BABAM2: variants seen among roughly 807,000 people sequenced by gnomAD.
BABAM2 encodes the protein BRISC and BRCA1-A complex member 2.
Under a neutral mutation model 54.7 loss-of-function variants are expected in BABAM2, and 31 were observed. That is an observed-to-expected ratio of 0.57 (90% CI 0.43 to 0.77). BABAM2 has a LOEUF of 0.77. Among genes scored for constraint, BABAM2 ranks in the 30% least tolerant of loss-of-function variants. BABAM2 has a pLI of 0.00. For missense variants in BABAM2, 364 were observed against 455.8 expected (o/e 0.80, Z 1.83); for synonymous variants, 167 against 162.9 (o/e 1.03, Z -0.19).
chr2:28,087,419 C>T (rs908140371), intron 6 of BABAM2, among the ~76,000 whole-genome samples: 1 of 152,076 alleles, frequency 6.6e-6, no homozygotes. Flanking sequence ...CCTAGGATGT[C>T]AGCACTTGCT....
intron 6 of BABAM2, among the ~76,000 whole-genome samples, chr2:28,124,169 T>C (rs1669303037): frequency 6.6e-6 from 1 of 152,244 alleles, no homozygotes; most frequent in African/African-American, 2.4e-5. Flanking sequence ...ATGTTATTTC[T>C]TTTTTAATTG....
intron 7 of BABAM2, among the ~76,000 whole-genome samples, chr2:28,211,386 CTTTTT>C (rs770284745): frequency 2.1e-5 from 2 of 96,892 alleles, no homozygotes. Context: ...TCCTTATTAT[CTTTTT>C]TTTTTTTTTT....
intron 6 of BABAM2, among the ~76,000 whole-genome samples, chr2:28,078,552 T>C (rs916751946): frequency 3.9e-5 from 6 of 152,200 alleles, no homozygotes; most frequent in Non-Finnish European, 7.3e-5. Flanking sequence ...TATAGGGGGT[T>C]TGATGCTATC....
At chr2:27,934,170 A>G (rs926889500) in intron 3 of BABAM2, among the ~76,000 whole-genome samples, 6 of 151,890 alleles carry the variant, frequency 4.0e-5, no homozygotes, top group Middle Eastern at 3.2e-3. Context: ...CCTTTGTGTC[A>G]CATTTTGGTA....
chr2:28,109,544 A>G (rs1008235557), intron 6 of BABAM2, among the ~76,000 whole-genome samples: 10 of 152,198 alleles, frequency 6.6e-5, no homozygotes, highest in African/African-American at 2.4e-4. Flanking sequence ...TAGGCTGTCA[A>G]CCGCTGAATC....
At chr2:27,902,146 T>C (rs891584147) in intron 2 of BABAM2, among the ~76,000 whole-genome samples, 1 of 152,166 alleles carries the variant, frequency 6.6e-6, no homozygotes, top group African/African-American at 2.4e-5. Flanking sequence ...TTCTCTCACA[T>C]GTGCACAAGA....
chr2:28,254,336 TA>T (rs1417746818), intron 10 of BABAM2, among the ~76,000 whole-genome samples: 1 of 152,106 alleles, frequency 6.6e-6, no homozygotes, highest in Non-Finnish European at 1.5e-5. Context: ...GGTGTTTGAC[TA>T]TGTTGGCCAG....
intron 6 of BABAM2, among the ~76,000 whole-genome samples, chr2:28,100,868 C>T (rs1448093395): frequency 1.3e-5 from 2 of 152,132 alleles, no homozygotes; most frequent in African/African-American, 4.8e-5. Context: ...AAGGGGGCAG[C>T]TGTTGTGGAG....
chr2:28,021,098 T>C (rs1573407410), intron 4 of BABAM2, among the ~76,000 whole-genome samples: 3 of 152,298 alleles, frequency 2.0e-5, no homozygotes, highest in East Asian at 3.9e-4. Flanking sequence ...ATTTAAGATA[T>C]AAACATTGTT....
At chr2:27,952,832 A>G (rs1669835629) in intron 3 of BABAM2, among the ~76,000 whole-genome samples, 1 of 152,110 alleles carries the variant, frequency 6.6e-6, no homozygotes, top group Non-Finnish European at 1.5e-5. Flanking sequence ...CTTCTGTCTG[A>G]TATAAACAGC....
intron 2 of BABAM2, chr2:27,896,161 G>T (rs1027510516): frequency 1.5e-4 from 23 of 152,174 alleles, no homozygotes; most frequent in African/African-American, 5.3e-4. Flanking sequence ...GTACCTTCTT[G>T]GATATGGCAT....
intron 10 of BABAM2, among the ~76,000 whole-genome samples, chr2:28,267,424 G>GACACACACACACATACAC (rs1685074272): frequency 6.8e-6 from 1 of 146,686 alleles, no homozygotes; most frequent in Non-Finnish European, 1.5e-5. Context: ...ACACTGACTA[G>GACACACACACACATACAC]ACACACACAC....
At chr2:28,143,909 C>T (rs1671275933) in intron 7 of BABAM2, among the ~76,000 whole-genome samples, 1 of 152,142 alleles carries the variant, frequency 6.6e-6, no homozygotes, top group Non-Finnish European at 1.5e-5. Context: ...TCATCTCTAC[C>T]CTCAACAGCC....
At chr2:27,912,262 T>A (rs1666656784) in intron 2 of BABAM2, among the ~76,000 whole-genome samples, 1 of 152,126 alleles carries the variant, frequency 6.6e-6, no homozygotes, top group Non-Finnish European at 1.5e-5. Context: ...TTTTTTTCCA[T>A]TATTAAAGTT....
chr2:27,957,853 G>A (rs933040078), intron 3 of BABAM2, among the ~76,000 whole-genome samples: 3 of 152,196 alleles, frequency 2.0e-5, no homozygotes, highest in African/African-American at 7.2e-5. Flanking sequence ...AAAAGGCAAT[G>A]AGGCTTTCAT....
intron 7 of BABAM2, among the ~76,000 whole-genome samples, chr2:28,189,065 G>A (rs1393042659): frequency 6.6e-6 from 1 of 152,068 alleles, no homozygotes; most frequent in African/African-American, 2.4e-5. Flanking sequence ...GCTGGGGATG[G>A]TGGTGCGTGC....
intron 10 of BABAM2, among the ~76,000 whole-genome samples, chr2:28,278,146 C>T (rs531108316): frequency 6.6e-6 from 1 of 152,146 alleles, no homozygotes; most frequent in Non-Finnish European, 1.5e-5. Context: ...AAGAAATGCA[C>T]CTAGTTATAA....
At chr2:28,138,623 G>A (rs939184061) in intron 7 of BABAM2, among the ~76,000 whole-genome samples, 3 of 152,042 alleles carry the variant, frequency 2.0e-5, no homozygotes, top group Non-Finnish European at 2.9e-5. Flanking sequence ...TATTTAAAGT[G>A]TGAATTATCA....
intron 7 of BABAM2, among the ~76,000 whole-genome samples, chr2:28,178,986 A>T (rs905565002): frequency 2.0e-5 from 3 of 152,024 alleles, no homozygotes; most frequent in Non-Finnish European, 4.4e-5. Context: ...TACAAGATTG[A>T]ATCCGTAATA....
Sources: gnomAD v4.1 joint callset for allele counts (sites outside exome capture counted in the v4.1 genomes callset) on GRCh38, gnomAD v4.1.1 for gene constraint, MANE v1.5 for transcripts, NCBI Gene and HGNC (gene_info 2026-07-23, HGNC 2026-07-21) for gene names.